Variants in FHIT observed in about 807,000 individuals in gnomAD.
FHIT encodes bis(5'-adenosyl)-triphosphatase.
In FHIT, 19 loss-of-function variants were observed where a neutral mutation model predicts 17.9. That is an observed-to-expected ratio of 1.06 (90% CI 0.74 to 1.56). The LOEUF is 1.56. Ranked by LOEUF, FHIT falls within the 40% of genes most tolerant of loss-of-function variation. The pLI, the probability that FHIT is intolerant of heterozygous loss-of-function variation, is 0.00. For synonymous variants in FHIT, 81 were observed against 69.7 expected, an observed-to-expected ratio of 1.16 and a Z score of -0.81; for missense variants, 248 against 189.2, an observed-to-expected ratio of 1.31 and a Z score of -1.82.
intron 3 of FHIT, among the ~76,000 whole-genome samples, chr3:60,967,472 C>G (rs988579278): frequency 6.6e-6 from 1 of 151,936 alleles, no homozygotes; most frequent in African/African-American, 2.4e-5. Flanking sequence ...GACTAGATAC[C>G]AAGTTGATGA....
chr3:60,480,404 C>A (rs1205557807), intron 5 of FHIT, among the ~76,000 whole-genome samples: 1 of 152,192 alleles, frequency 6.6e-6, no homozygotes, highest in Non-Finnish European at 1.5e-5. Flanking sequence ...AAAAGGCAAT[C>A]ATGCCTTCCC....
intron 4 of FHIT, among the ~76,000 whole-genome samples, chr3:60,572,034 T>TG (rs532051473): frequency 2.0e-5 from 3 of 151,986 alleles, no homozygotes; most frequent in Non-Finnish European, 4.4e-5. Flanking sequence ...TTCTTTTTTT[T>TG]GGGGGGGAAG....
At chr3:59,935,683 GTGGATGGATGAA>G (rs1192205005) in intron 7 of FHIT, among the ~76,000 whole-genome samples, 1 of 151,646 alleles carries the variant, frequency 6.6e-6, no homozygotes, top group Non-Finnish European at 1.5e-5. Context: ...GAATGGATGG[GTGGATGGATGAA>G]TAGATGGATG....
At chr3:60,796,774 G>A (rs1700995388) in intron 4 of FHIT, among the ~76,000 whole-genome samples, 2 of 152,162 alleles carry the variant, frequency 1.3e-5, no homozygotes, top group Non-Finnish European at 1.5e-5. Flanking sequence ...TAGAAACAAC[G>A]TTTCACCATG....
At chr3:60,699,151 A>T (rs1373161261) in intron 4 of FHIT, among the ~76,000 whole-genome samples, 3 of 152,302 alleles carry the variant, frequency 2.0e-5, no homozygotes, top group African/African-American at 7.2e-5. Flanking sequence ...TTATTTAAAT[A>T]CCCAACTACT....
intron 2 of FHIT, among the ~76,000 whole-genome samples, chr3:61,070,775 T>C (rs753363610): frequency 1.3e-5 from 2 of 152,202 alleles, no homozygotes; most frequent in Non-Finnish European, 2.9e-5. Context: ...CATGCATCCC[T>C]AACAAGTGCC....
At chr3:59,961,469 C>A (rs1186307470) in intron 7 of FHIT, among the ~76,000 whole-genome samples, 1 of 152,166 alleles carries the variant, frequency 6.6e-6, no homozygotes, top group African/African-American at 2.4e-5. Context: ...GGGTAAAAAA[C>A]TCCTGCAGCT....
chr3:60,722,894 T>C (rs2041840032), intron 4 of FHIT, among the ~76,000 whole-genome samples: 1 of 152,012 alleles, frequency 6.6e-6, no homozygotes, highest in Non-Finnish European at 1.5e-5. Context: ...AGCGAATTTT[T>C]TGTAGTTTTA....
At chr3:60,455,358 C>CTTCA (rs2032023035) in intron 5 of FHIT, among the ~76,000 whole-genome samples, 2 of 152,276 alleles carry the variant, frequency 1.3e-5, no homozygotes, top group Admixed American at 1.3e-4. Context: ...CATCATTGAG[C>CTTCA]TTCAGCTCAG....
At chr3:59,867,870 G>C (rs900863158) in intron 8 of FHIT, among the ~76,000 whole-genome samples, 3 of 151,894 alleles carry the variant, frequency 2.0e-5, no homozygotes, top group African/African-American at 7.3e-5. Context: ...TCAGAAGGCA[G>C]AGTACTCTAA....
At chr3:60,458,616 C>T (rs192972384) in intron 5 of FHIT, among the ~76,000 whole-genome samples, 325 of 151,840 alleles carry the variant, frequency 2.1e-3, no homozygotes, top group African/African-American at 7.5e-3. Flanking sequence ...AAGAAATCAC[C>T]GTTATATATT....
chr3:59,872,462 C>G lies in FHIT; in HGVS notation c.348+49884G>C, dbSNP rs189413433. Among the ~76,000 whole-genome samples the G allele has an allele frequency of 3.9e-5, 6 of 152,064 alleles. No homozygotes were observed. In the East Asian group the frequency reaches 5.8e-4, roughly 15 times the overall value. On this transcript the variant is annotated intron_variant, in intron 8 of 9. Transcript: ENST00000492590. Reference sequence around the variant, plus strand: ...TGTTTATGTGAGGAGTAGAAGACAACGGCTTTGGTAAAGGAGAAAATTCAC... The same window carrying G: ...TGTTTATGTGAGGAGTAGAAGACAAGGGCTTTGGTAAAGGAGAAAATTCAC...
chr3:60,075,767 C>A (rs1702979282), intron 5 of FHIT, among the ~76,000 whole-genome samples: 2 of 152,040 alleles, frequency 1.3e-5, no homozygotes, highest in African/African-American at 2.4e-5. Context: ...CACAGAGATA[C>A]TAAAGAGAAT....
At chr3:60,240,629 CAAAGAAAGA>C (rs1211418021) in intron 5 of FHIT, among the ~76,000 whole-genome samples, 4 of 151,950 alleles carry the variant, frequency 2.6e-5, no homozygotes, top group African/African-American at 9.7e-5. Flanking sequence ...TGCTATAGAA[CAAAGAAAGA>C]GAAGGAAGAG....
chr3:60,659,336 T>C (rs1388086545), intron 4 of FHIT, among the ~76,000 whole-genome samples: 1 of 152,142 alleles, frequency 6.6e-6, no homozygotes, highest in Non-Finnish European at 1.5e-5. Context: ...TTTGGGAAGC[T>C]TTTGGCCATT....
chr3:60,967,481 G>A (rs1478718113), intron 3 of FHIT, among the ~76,000 whole-genome samples: 1 of 152,168 alleles, frequency 6.6e-6, no homozygotes, highest in Non-Finnish European at 1.5e-5. Flanking sequence ...CCAAGTTGAT[G>A]ACTCTTTGAA....
intron 8 of FHIT, among the ~76,000 whole-genome samples, chr3:59,810,687 A>G (rs1700378971): frequency 6.6e-6 from 1 of 152,208 alleles, no homozygotes; most frequent in Non-Finnish European, 1.5e-5. Context: ...GATGAATTTT[A>G]TAACACCTCC....
intron 7 of FHIT, among the ~76,000 whole-genome samples, chr3:60,001,659 G>A (rs1262169683): frequency 2.6e-5 from 4 of 152,120 alleles, no homozygotes; most frequent in Non-Finnish European, 4.4e-5. Flanking sequence ...TCAAGTAGTG[G>A]ATGATGCTAA....
chr3:60,621,847 T>C (rs2039139489), intron 4 of FHIT, among the ~76,000 whole-genome samples: 2 of 144,926 alleles, frequency 1.4e-5, no homozygotes, highest in Admixed American at 1.4e-4. Context: ...GACTCCAGCC[T>C]GGGTGACAGA....
Sources: gnomAD v4.1 joint callset for allele counts (sites outside exome capture counted in the v4.1 genomes callset) on GRCh38, gnomAD v4.1.1 for gene constraint, MANE v1.5 for transcripts, NCBI Gene and HGNC (gene_info 2026-07-23, HGNC 2026-07-21) for gene names.